Variants in FRMPD3 observed in about 807,000 individuals in gnomAD.
FRMPD3 encodes the protein FERM and PDZ domain containing 3.
In FRMPD3, 42 loss-of-function variants were observed where a neutral mutation model predicts 97.9. The observed-to-expected ratio is 0.43, with a 90% confidence interval of 0.34 to 0.55. The LOEUF is 0.55. FRMPD3 is among the 20% of genes least tolerant of loss of function. The pLI, the probability that FRMPD3 is intolerant of heterozygous loss-of-function variation, is 0.03. For missense variants in FRMPD3, 1,303 were observed against 1,457.7 expected (o/e 0.89, Z 1.73); for synonymous variants, 577 against 581.1 (o/e 0.99, Z 0.10).
At position 107,580,721 on chromosome X, in the gene FRMPD3, C is replaced by T. The variant is rs897285945; in HGVS notation, c.1441+4262C>T. 7.2e-5 allele frequency among the ~76,000 whole-genome samples: 8 copies of T among 111,393 alleles called. No individual in the cohort carries two copies. In the East Asian group the frequency reaches 2.3e-3, roughly 31 times the overall value. On this transcript the variant is annotated intron_variant, in intron 13 of 14. Transcript: ENST00000683843. Reference sequence around the variant, plus strand: ...TAGTTCATACTCCTGGCTGATTGCTCCTCCGGAGCACTTATTCCCTAAGTC... The same window carrying T: ...TAGTTCATACTCCTGGCTGATTGCTTCTCCGGAGCACTTATTCCCTAAGTC...
chrX:107,532,154 T>C (rs371433929), intron 3 of FRMPD3, among the ~76,000 whole-genome samples: 3 of 112,930 alleles, frequency 2.7e-5, no homozygotes, highest in East Asian at 5.5e-4. Flanking sequence ...ATAAATGTTA[T>C]TAAGAATAGA....
chrX:107,558,946 A>G (rs1922225769), intron 8 of FRMPD3, among the ~76,000 whole-genome samples: 1 of 110,194 alleles, frequency 9.1e-6, no homozygotes, highest in African/African-American at 3.3e-5. Flanking sequence ...CAACCTCCCA[A>G]AGTGCTGTGA....
chrX:107,601,692 A>G lies in FRMPD3; in HGVS notation c.3653A>G (p.Asn1218Ser), dbSNP rs1159358767. 3.3e-6 allele frequency: 4 copies of G among 1,209,657 alleles called. No homozygotes were observed. Among genetic ancestry groups the G allele is most frequent in the East Asian group, 3.0e-5 (1 of 33,787 alleles). The change falls in exon 15 of 15, where the codon AAT becomes AGT. Residue 1218 changes from asparagine (N) to serine (S), a missense_variant. This residue lies in a region of FRMPD3 where 764 missense variants were observed against 820.2 expected (regional missense o/e 0.93). Transcript: ENST00000683843. ...KSSRGPFRLR[N>S]LFSATFPTRQ... ...TCCCGAGGTCCTTTCCGGCTACGCA[A>G]TTTATTCTCTGCCACCTTCCCAACC...
chrX:107,459,766 C>T (rs1931433758), intron 1 of FRMPD3, among the ~76,000 whole-genome samples: 1 of 112,571 alleles, frequency 8.9e-6, no homozygotes, highest in Admixed American at 9.3e-5. Flanking sequence ...GGCAGGACCA[C>T]CCAATCAAAC....
At chrX:107,554,184 G>A (rs1263387585) in intron 7 of FRMPD3, among the ~76,000 whole-genome samples, 7 of 110,970 alleles carry the variant, frequency 6.3e-5, no homozygotes, top group African/African-American at 1.6e-4. Context: ...CTTATTTTGG[G>A]TCAGAAGTGT....
At chrX:107,472,520 TA>T (rs77634223) in intron 1 of FRMPD3, among the ~76,000 whole-genome samples, 15,888 of 94,964 alleles carry the variant, frequency 0.17, 1,216 homozygotes, top group Non-Finnish European at 0.25. Context: ...GAGGCTCCCA[TA>T]AAAAAAAAAA....
intron 1 of FRMPD3, among the ~76,000 whole-genome samples, chrX:107,503,889 G>A (rs769322306): frequency 8.9e-6 from 1 of 112,060 alleles, no homozygotes; most frequent in Non-Finnish European, 1.9e-5. Flanking sequence ...TATTTGATAC[G>A]CCCACATCCA....
chrX:107,598,850 A>G (rs1206507344), intron 14 of FRMPD3, among the ~76,000 whole-genome samples: 1 of 112,654 alleles, frequency 8.9e-6, no homozygotes, highest in Non-Finnish European at 1.9e-5. Context: ...GTATTAGTTC[A>G]CAGGAAAACC....
intron 13 of FRMPD3, among the ~76,000 whole-genome samples, chrX:107,581,772 C>T (rs1038736233): frequency 1.8e-5 from 2 of 111,581 alleles, no homozygotes; most frequent in Non-Finnish European, 3.8e-5. Context: ...GGTCTTTTGT[C>T]ACTTGCTTTT....
chrX:107,581,718 T>C (rs1395013545), intron 13 of FRMPD3, among the ~76,000 whole-genome samples: 1 of 111,754 alleles, frequency 8.9e-6, no homozygotes, highest in Admixed American at 9.6e-5. Context: ...TCTATAGCTT[T>C]GCCTATGCTG....
At chrX:107,567,303 G>GA (rs1393795504) in intron 12 of FRMPD3, among the ~76,000 whole-genome samples, 1 of 111,744 alleles carries the variant, frequency 8.9e-6, no homozygotes, top group Non-Finnish European at 1.9e-5. Flanking sequence ...AGTATTAAAT[G>GA]AAAAAATGTA....
chrX:107,455,474 G>A (rs925485958), intron 1 of FRMPD3, among the ~76,000 whole-genome samples: 18 of 111,993 alleles, frequency 1.6e-4, no homozygotes, highest in African/African-American at 5.5e-4. Context: ...TGAGGCGGGA[G>A]GATGGCTTGA....
rs376929094 is a variant in FRMPD3 at position 107,597,315 on chromosome X, G to T, written c.1442-6G>T. 6.7e-5 allele frequency: 79 copies of T among 1,187,643 alleles called. No homozygotes were observed. The highest frequency in any genetic ancestry group is 7.6e-5 in the Non-Finnish European group (67 of 884,312). On this transcript the variant is annotated splice_polypyrimidine_tract_variant and splice_region_variant and intron_variant, in intron 13 of 14. Transcript: ENST00000683843. ...GCTCATCTGTTGATTCTCTTTCTGG[G>T]TTTAGATTACATGCACAGCGCCCAC... is the stretch of plus-strand genomic sequence containing the variant.
At chrX:107,469,288 C>A (rs778026451) in intron 1 of FRMPD3, among the ~76,000 whole-genome samples, 18 of 111,837 alleles carry the variant, frequency 1.6e-4, no homozygotes, top group African/African-American at 5.8e-4. Context: ...ACAATCATGG[C>A]AAAAGGCAAG....
intron 1 of FRMPD3, among the ~76,000 whole-genome samples, chrX:107,466,893 C>T (rs1931574756): frequency 8.9e-6 from 1 of 111,795 alleles, no homozygotes; most frequent in African/African-American, 3.3e-5. Flanking sequence ...AACACCTCCC[C>T]TCACTGACCA....
At chrX:107,574,151 A>C (rs1427359348) in intron 12 of FRMPD3, among the ~76,000 whole-genome samples, 1 of 112,249 alleles carries the variant, frequency 8.9e-6, no homozygotes, top group Non-Finnish European at 1.9e-5. Context: ...GCTGTAAAGA[A>C]GTTTCACTTC....
chrX:107,496,054 T>C (rs1013708144), intron 1 of FRMPD3, among the ~76,000 whole-genome samples: 2 of 111,912 alleles, frequency 1.8e-5, no homozygotes, highest in Non-Finnish European at 3.8e-5. Flanking sequence ...CTAATGATAG[T>C]ATCAAGCTGA....
At chrX:107,593,629 C>T in intron 13 of FRMPD3, among the ~76,000 whole-genome samples, 1 of 111,608 alleles carries the variant, frequency 9.0e-6, no homozygotes, top group Non-Finnish European at 1.9e-5. Flanking sequence ...CCAGTTGTCC[C>T]AACACCATTT....
intron 1 of FRMPD3, among the ~76,000 whole-genome samples, chrX:107,500,952 C>G (rs1029662776): frequency 1.1e-4 from 12 of 111,385 alleles, no homozygotes; most frequent in Non-Finnish European, 1.9e-5. Context: ...AAGTTTATCT[C>G]TTACCTGAGG....
Sources: allele counts gnomAD v4.1 joint callset (sites outside exome capture counted in the v4.1 genomes callset), GRCh38; gene constraint gnomAD v4.1.1; regional missense constraint gnomAD v4.1.1; transcripts MANE v1.5; gene names NCBI Gene and HGNC (gene_info 2026-07-23, HGNC 2026-07-21).